The following RIT2 variants were observed in gnomAD, a reference collection of about 807,000 sequenced individuals.
The protein encoded by RIT2 is GTP-binding protein Rit2.
A neutral mutation model predicts 23.7 loss-of-function variants in RIT2; 24 were observed. That is an observed-to-expected ratio of 1.01 (90% confidence interval 0.73 to 1.43). The LOEUF is 1.43. Among genes scored for constraint, RIT2 ranks in the 40% most tolerant of loss-of-function variants. The probability of loss-of-function intolerance (pLI) is 0.00; values close to 1 mark genes in which losing one functional copy is unlikely to be tolerated. For synonymous variants in RIT2, 107 were observed against 91.1 expected (o/e 1.17, Z -0.99); for missense variants, 236 against 266.9 (o/e 0.88, Z 0.81).
At chr18:42,904,847 T>C (rs1908568813) in intron 4 of RIT2, among the ~76,000 whole-genome samples, 1 of 152,020 alleles carries the variant, frequency 6.6e-6, no homozygotes, top group Non-Finnish European at 1.5e-5. Flanking sequence ...ACATGAAAAA[T>C]TGTCCCACCT....
At chr18:42,811,010 T>G (rs1905835144) in intron 4 of RIT2, among the ~76,000 whole-genome samples, 1 of 152,020 alleles carries the variant, frequency 6.6e-6, no homozygotes, top group Non-Finnish European at 1.5e-5. Flanking sequence ...TCTCTCACTT[T>G]GGGATGATAG....
At chr18:42,872,799 CT>C (rs1394707394) in intron 4 of RIT2, among the ~76,000 whole-genome samples, 4 of 152,172 alleles carry the variant, frequency 2.6e-5, no homozygotes, top group Admixed American at 2.6e-4. Flanking sequence ...GACACTTCCA[CT>C]CTTATTTCTT....
chr18:42,894,852 A>G (rs1908280269), intron 4 of RIT2, among the ~76,000 whole-genome samples: 1 of 152,224 alleles, frequency 6.6e-6, no homozygotes, highest in African/African-American at 2.4e-5. Context: ...GTTCAGCACT[A>G]ACCATAATTG....
chr18:43,008,150 C>A (rs1022212205), intron 2 of RIT2, among the ~76,000 whole-genome samples: 1 of 151,508 alleles, frequency 6.6e-6, no homozygotes, highest in South Asian at 2.1e-4. Flanking sequence ...CAGATTAATG[C>A]ATTAAACTAC....
intron 3 of RIT2, among the ~76,000 whole-genome samples, chr18:42,961,303 T>C (rs990290940): frequency 6.6e-6 from 1 of 152,228 alleles, no homozygotes; most frequent in African/African-American, 2.4e-5. Flanking sequence ...AGAAATACTA[T>C]TAAAGTTGTT....
At chr18:42,967,909 T>C (rs1049440293) in intron 3 of RIT2, among the ~76,000 whole-genome samples, 61 of 152,198 alleles carry the variant, frequency 4.0e-4, no homozygotes, top group African/African-American at 1.4e-3. Flanking sequence ...TTCTATAAGT[T>C]GTCAGTTTAT....
chr18:42,765,771 C>A (rs1913406985), intron 4 of RIT2, among the ~76,000 whole-genome samples: 2 of 152,256 alleles, frequency 1.3e-5, no homozygotes, highest in South Asian at 4.1e-4. Context: ...GAGACCCCAC[C>A]CAAATCTCAA....
At chr18:42,934,317 T>C (rs1242562510) in intron 3 of RIT2, among the ~76,000 whole-genome samples, 1 of 152,208 alleles carries the variant, frequency 6.6e-6, no homozygotes, top group Non-Finnish European at 1.5e-5. Context: ...AACATCATCA[T>C]ATCAGTTTGG....
intron 3 of RIT2, among the ~76,000 whole-genome samples, chr18:42,966,031 C>T (rs894151422): frequency 1.3e-5 from 2 of 152,056 alleles, no homozygotes; most frequent in African/African-American, 2.4e-5. Context: ...AGCCACTTAA[C>T]CTCTTCTGAG....
chr18:42,800,556 T>G (rs1905504970), intron 4 of RIT2, among the ~76,000 whole-genome samples: 1 of 142,224 alleles, frequency 7.0e-6, no homozygotes, highest in Non-Finnish European at 1.5e-5. Context: ...GGAGTCTCGC[T>G]CTGTCGCCCA....
intron 4 of RIT2, among the ~76,000 whole-genome samples, chr18:42,883,438 T>C (rs1907945595): frequency 6.6e-6 from 1 of 152,196 alleles, no homozygotes; most frequent in African/African-American, 2.4e-5. Flanking sequence ...TGTGTAAATC[T>C]TCTGTTGAAG....
intron 4 of RIT2, among the ~76,000 whole-genome samples, chr18:42,837,918 T>C (rs1906662733): frequency 6.6e-6 from 1 of 152,132 alleles, no homozygotes; most frequent in African/African-American, 2.4e-5. Flanking sequence ...CAGTAAAACA[T>C]GAAGTAGAAA....
chr18:43,008,238 C>T (rs1911269700), intron 2 of RIT2, among the ~76,000 whole-genome samples: 1 of 151,418 alleles, frequency 6.6e-6, no homozygotes, highest in Non-Finnish European at 1.5e-5. Flanking sequence ...TGTAATTTTA[C>T]ACATATGCAT....
chr18:42,920,060 C>T (rs564122391), intron 4 of RIT2, among the ~76,000 whole-genome samples: 3 of 152,176 alleles, frequency 2.0e-5, no homozygotes, highest in African/African-American at 4.8e-5. Flanking sequence ...TTTCCTCCCA[C>T]CAAAAGGGTA....
intron 3 of RIT2, among the ~76,000 whole-genome samples, chr18:42,948,001 G>T (rs1909766266): frequency 6.6e-6 from 1 of 152,008 alleles, no homozygotes; most frequent in Non-Finnish European, 1.5e-5. Flanking sequence ...GGATTAGATG[G>T]ATTGTACCTA....
intron 4 of RIT2, among the ~76,000 whole-genome samples, chr18:42,880,681 C>T (rs1378751459): frequency 6.6e-6 from 1 of 151,962 alleles, no homozygotes; most frequent in African/African-American, 2.4e-5. Flanking sequence ...ACTTTAAATA[C>T]TTCATATACA....
intron 4 of RIT2, among the ~76,000 whole-genome samples, chr18:42,791,292 G>T (rs1914037619): frequency 6.6e-6 from 1 of 152,074 alleles, no homozygotes; most frequent in Non-Finnish European, 1.5e-5. Flanking sequence ...GACCAAATTA[G>T]ATATGTATCT....
intron 4 of RIT2, among the ~76,000 whole-genome samples, chr18:42,758,613 A>G (rs1325409919): frequency 1.3e-5 from 2 of 151,682 alleles, no homozygotes; most frequent in Admixed American, 1.3e-4. Context: ...TCCCGGGTTC[A>G]GGCAATTCTC....
chr18:42,810,064 A>G (rs1320162317), intron 4 of RIT2, among the ~76,000 whole-genome samples: 1 of 147,292 alleles, frequency 6.8e-6, no homozygotes, highest in African/African-American at 2.5e-5. Flanking sequence ...TATGTTATAT[A>G]TATGTTATAC....
Sources: allele counts gnomAD v4.1 joint callset (sites outside exome capture counted in the v4.1 genomes callset), GRCh38; gene constraint gnomAD v4.1.1; transcripts MANE v1.5; gene names NCBI Gene and HGNC (gene_info 2026-07-23, HGNC 2026-07-21).